The following SCTR variants were observed in gnomAD, a reference collection of about 807,000 sequenced individuals.
SCTR encodes the protein secretin receptor.
In SCTR, 56 loss-of-function variants were observed where a neutral mutation model predicts 60.8. That is an observed-to-expected ratio of 0.92 (90% confidence interval 0.74 to 1.15). The LOEUF (loss-of-function observed/expected upper bound fraction) is 1.15, where lower values mean the gene tolerates loss of function less well. Ranked by LOEUF, SCTR falls within the 50% of genes most tolerant of loss-of-function variation. SCTR has a pLI of 0.00. For missense variants in SCTR, 562 were observed against 550.4 expected, an observed-to-expected ratio of 1.02 and a Z score of -0.21; for synonymous variants, 202 against 217.0, an observed-to-expected ratio of 0.93 and a Z score of 0.61.
At chr2:119,473,402 C>A (rs1463015756) in intron 4 of SCTR, 51 bp downstream of exon 4, 9 of 1,320,280 alleles carry the variant, frequency 6.8e-6, no homozygotes, top group Non-Finnish European at 8.8e-6. Context: ...GGCCTCCTCA[C>A]CCTATAGGTT....
At chr2:119,446,064 T>C (rs1485652681) in intron 11 of SCTR, among the ~76,000 whole-genome samples, 1 of 152,210 alleles carries the variant, frequency 6.6e-6, no homozygotes, top group Non-Finnish European at 1.5e-5. Flanking sequence ...ACGTTTACTG[T>C]TGTTGTTTTT....
intron 1 of SCTR, among the ~76,000 whole-genome samples, chr2:119,515,105 T>C (rs1298667061): frequency 6.6e-6 from 1 of 152,232 alleles, no homozygotes; most frequent in Non-Finnish European, 1.5e-5. Context: ...ACCTACTATA[T>C]GCTTAGCAGT....
intron 4 of SCTR, among the ~76,000 whole-genome samples, chr2:119,471,173 T>G (rs1047154321): frequency 2.0e-5 from 3 of 152,202 alleles, no homozygotes; most frequent in Non-Finnish European, 4.4e-5. Flanking sequence ...AAGCCACATG[T>G]GCTTATTAAA....
chr2:119,454,063 G>C (rs564820651), intron 7 of SCTR, among the ~76,000 whole-genome samples: 38 of 152,242 alleles, frequency 2.5e-4, no homozygotes, highest in African/African-American at 8.7e-4. Context: ...GAGAAGGAAG[G>C]GCAGAGTAGA....
chr2:119,471,778 G>A (rs1183259421), intron 4 of SCTR, among the ~76,000 whole-genome samples: 1 of 152,178 alleles, frequency 6.6e-6, no homozygotes, highest in Non-Finnish European at 1.5e-5. Context: ...GGTATCAGAA[G>A]ACAGAGGACG....
intron 3 of SCTR, among the ~76,000 whole-genome samples, chr2:119,478,236 A>G (rs1677424216): frequency 6.6e-6 from 1 of 152,220 alleles, no homozygotes; most frequent in Non-Finnish European, 1.5e-5. Context: ...TGATGAATAA[A>G]TGAGCCCGTA....
At chr2:119,480,480 T>G (rs1324350976) in intron 2 of SCTR, among the ~76,000 whole-genome samples, 1 of 152,192 alleles carries the variant, frequency 6.6e-6, no homozygotes, top group Non-Finnish European at 1.5e-5. Context: ...CCATGACACA[T>G]GGGAATTCTG....
chr2:119,510,144 C>T (rs951891320), intron 1 of SCTR, among the ~76,000 whole-genome samples: 3 of 149,946 alleles, frequency 2.0e-5, no homozygotes, highest in East Asian at 2.0e-4. Context: ...CAGCCCCCTA[C>T]CCCCTGACAG....
intron 7 of SCTR, among the ~76,000 whole-genome samples, chr2:119,457,528 A>G (rs1373430683): frequency 6.6e-6 from 1 of 152,098 alleles, no homozygotes; most frequent in Non-Finnish European, 1.5e-5. Context: ...CCTGGGAGAC[A>G]TGGCAAGACC....
Position 119,473,808 on chromosome 2 carries a change from C to T in SCTR, c.302-252G>A, listed in dbSNP as rs567537247. On this transcript the variant is annotated intron_variant, in intron 3 of 12. Transcript: ENST00000019103. ...TGCCAGTCCCCCTTCTCACCCCAGC[C>T]GGGTGCTGCTCCTGATCCCAGGCCC... Among the ~76,000 whole-genome samples, 164 of 152,312 alleles carry T rather than the reference C, an allele frequency of 1.1e-3. 1 individual carries two copies. The highest frequency in any genetic ancestry group is 3.8e-3 in the African/African-American group (158 of 41,572).
intron 4 of SCTR, among the ~76,000 whole-genome samples, chr2:119,466,763 A>G (rs1683850638): frequency 7.2e-6 from 1 of 139,412 alleles, no homozygotes; most frequent in Admixed American, 6.9e-5. Context: ...ATAAATAAAT[A>G]TATACATACA....
At chr2:119,522,453 A>C (rs1679319209) in intron 1 of SCTR, among the ~76,000 whole-genome samples, 1 of 152,090 alleles carries the variant, frequency 6.6e-6, no homozygotes, top group African/African-American at 2.4e-5. Context: ...TCTACTACTA[A>C]CTTGCTGATC....
chr2:119,513,258 T>G (rs1212186106), intron 1 of SCTR, among the ~76,000 whole-genome samples: 1 of 152,262 alleles, frequency 6.6e-6, no homozygotes, highest in Non-Finnish European at 1.5e-5. Flanking sequence ...AATTTCTGCT[T>G]CATCTCTGTC....
At chr2:119,509,528 A>G (rs1175921587) in intron 1 of SCTR, among the ~76,000 whole-genome samples, 1 of 152,202 alleles carries the variant, frequency 6.6e-6, no homozygotes, top group African/African-American at 2.4e-5. Flanking sequence ...CATATCTATG[A>G]TGGGAAGCCC....
chr2:119,442,021 T>C (rs750174454), intron 11 of SCTR, among the ~76,000 whole-genome samples: 1 of 152,356 alleles, frequency 6.6e-6, no homozygotes, highest in Middle Eastern at 3.4e-3. Flanking sequence ...AATCTGAATA[T>C]GTTTAAATGT....
At chr2:119,502,823 CAAAA>C (rs776111469) in intron 1 of SCTR, among the ~76,000 whole-genome samples, 4 of 83,818 alleles carry the variant, frequency 4.8e-5, no homozygotes, top group African/African-American at 1.5e-4. Context: ...GAGACCTCGT[CAAAA>C]AAAAAAAAAA....
chr2:119,449,201 T>C (rs751408825), intron 9 of SCTR, among the ~76,000 whole-genome samples: 11 of 152,180 alleles, frequency 7.2e-5, no homozygotes, highest in Admixed American at 2.6e-4. Flanking sequence ...GGGTACCCAT[T>C]GCTGGGCTCT....
At chr2:119,463,774 C>T (rs953369405) in intron 6 of SCTR, among the ~76,000 whole-genome samples, 12 of 152,146 alleles carry the variant, frequency 7.9e-5, no homozygotes, top group African/African-American at 2.7e-4. Context: ...CAACCCCCAC[C>T]CTCTCCAGAC....
intron 7 of SCTR, among the ~76,000 whole-genome samples, chr2:119,457,592 A>G (rs1408488939): frequency 1.3e-5 from 2 of 152,190 alleles, no homozygotes; most frequent in African/African-American, 2.4e-5. Context: ...ATGCACCTGT[A>G]GTCCTAGCTA....
Sources: allele counts gnomAD v4.1 joint callset (sites outside exome capture counted in the v4.1 genomes callset), GRCh38; gene constraint gnomAD v4.1.1; transcripts MANE v1.5; gene names NCBI Gene and HGNC (gene_info 2026-07-23, HGNC 2026-07-21).